SMAP1: variants seen among roughly 807,000 people sequenced by gnomAD.
SMAP1 encodes small ArfGAP 1, also known as stromal membrane-associated protein 1.
SMAP1 carries 24 observed loss-of-function variants against 58.5 expected under a neutral mutation model. The ratio of observed to expected loss-of-function variants is 0.41; its 90% CI spans 0.30 to 0.58. The LOEUF (loss-of-function observed/expected upper bound fraction) is 0.58, where lower values mean the gene tolerates loss of function less well. Ranked by LOEUF, SMAP1 falls within the 20% of genes least tolerant of loss-of-function variation. The pLI, the probability that SMAP1 is intolerant of heterozygous loss-of-function variation, is 0.29. For missense variants in SMAP1, 563 were observed against 566.3 expected (o/e 0.99, Z 0.06); for synonymous variants, 216 against 196.6 (o/e 1.10, Z -0.82).
intron 1 of SMAP1, among the ~76,000 whole-genome samples, chr6:70,700,951 G>A (rs1256183018): frequency 6.6e-6 from 1 of 152,168 alleles, no homozygotes; most frequent in Non-Finnish European, 1.5e-5. Flanking sequence ...CCTGGAATGG[G>A]GGCCTCAGGA....
At chr6:70,802,671 A>G (rs903561866) in intron 6 of SMAP1, among the ~76,000 whole-genome samples, 1 of 152,118 alleles carries the variant, frequency 6.6e-6, no homozygotes. Context: ...TTATTTTGAG[A>G]TATGTTTCAT....
chr6:70,716,100 A>G (rs979999822), intron 1 of SMAP1, among the ~76,000 whole-genome samples: 4 of 152,236 alleles, frequency 2.6e-5, no homozygotes, highest in Admixed American at 2.0e-4. Context: ...ATTCCATCAT[A>G]CAGATACATA....
intron 3 of SMAP1, among the ~76,000 whole-genome samples, chr6:70,765,362 T>C (rs1159931841): frequency 6.6e-6 from 1 of 152,192 alleles, no homozygotes; most frequent in East Asian, 1.9e-4. Flanking sequence ...TATGGCATAT[T>C]TCTGGTCACA....
intron 7 of SMAP1, among the ~76,000 whole-genome samples, chr6:70,844,822 T>C (rs1482494810): frequency 6.6e-6 from 1 of 152,170 alleles, no homozygotes; most frequent in Non-Finnish European, 1.5e-5. Context: ...TAATAAAAAT[T>C]AAGGAGAAAA....
In SMAP1 at chr6:70,743,920, A is replaced by G. The variant is rs550726117; in HGVS notation, c.253-11060A>G. Among the ~76,000 whole-genome samples the G allele has an allele frequency of 7.3e-5, 11 of 150,554 alleles. No homozygotes were observed. In the South Asian group the frequency reaches 1.5e-3, roughly 20 times the overall value. ...TAATAAGAGATTTGCATTTTAAGCA[A>G]TCCATTTGGAAAAAAGTATATAAAT... On this transcript the variant is annotated intron_variant, in intron 2 of 10. Coordinates refer to ENST00000370455, the MANE Select transcript of SMAP1 (RefSeq NM_001044305.3).
intron 7 of SMAP1, among the ~76,000 whole-genome samples, chr6:70,844,477 T>G (rs1248776432): frequency 6.6e-6 from 1 of 152,146 alleles, no homozygotes; most frequent in Admixed American, 6.5e-5. Context: ...TGTAGTAGAT[T>G]TCCCTGCTGG....
At chr6:70,751,601 A>G (rs1218743639) in intron 2 of SMAP1, among the ~76,000 whole-genome samples, 3 of 152,060 alleles carry the variant, frequency 2.0e-5, no homozygotes, top group Non-Finnish European at 4.4e-5. Flanking sequence ...AAATACTGAC[A>G]GGGAATGATG....
chr6:70,837,475 T>C (rs1770638268), intron 7 of SMAP1, among the ~76,000 whole-genome samples: 1 of 152,160 alleles, frequency 6.6e-6, no homozygotes, highest in Non-Finnish European at 1.5e-5. Context: ...AGCAACACAT[T>C]TTGCATCCAG....
At chr6:70,837,804 A>C in intron 7 of SMAP1, 1 of 1,253,048 alleles carries the variant, frequency 8.0e-7, no homozygotes, top group Non-Finnish European at 1.0e-6. Flanking sequence ...TGAGAAGGAA[A>C]AGAGTGAAAG....
At chr6:70,787,040 C>T (rs1228262458) in intron 4 of SMAP1, among the ~76,000 whole-genome samples, 1 of 152,200 alleles carries the variant, frequency 6.6e-6, no homozygotes, top group Non-Finnish European at 1.5e-5. Flanking sequence ...CGCTACCTGA[C>T]TTCAAACTAT....
chr6:70,791,637 C>T, intron 4 of SMAP1, 52 bp from the exon 5 acceptor site: 1 of 1,480,532 alleles, frequency 6.8e-7, no homozygotes, highest in Non-Finnish European at 9.3e-7. Flanking sequence ...TGTCAATTCT[C>T]ATTACCTTCT....
intron 1 of SMAP1, among the ~76,000 whole-genome samples, chr6:70,692,845 G>A (rs753755699): frequency 6.6e-6 from 1 of 152,016 alleles, no homozygotes; most frequent in Non-Finnish European, 1.5e-5. Context: ...GTGCAGTGGC[G>A]TGATCTTGGC....
chr6:70,761,672 G>T (rs1766751843), intron 3 of SMAP1, among the ~76,000 whole-genome samples: 1 of 151,846 alleles, frequency 6.6e-6, no homozygotes, highest in African/African-American at 2.4e-5. Context: ...GAATACCTTT[G>T]TTAATAATAA....
intron 1 of SMAP1, among the ~76,000 whole-genome samples, chr6:70,707,864 C>T (rs1767899543): frequency 6.6e-6 from 1 of 152,106 alleles, no homozygotes; most frequent in African/African-American, 2.4e-5. Context: ...TTAAGCTGTA[C>T]AGCATGACAT....
At chr6:70,859,258 T>C in intron 10 of SMAP1, 1 of 1,110,822 alleles carries the variant, frequency 9.0e-7, no homozygotes, top group Non-Finnish European at 1.3e-6. Context: ...GTCAACATGC[T>C]GAAGCACACC....
chr6:70,707,692 A>T (rs1201592973), intron 1 of SMAP1, among the ~76,000 whole-genome samples: 1 of 151,842 alleles, frequency 6.6e-6, no homozygotes, highest in Admixed American at 6.6e-5. Context: ...TGCAACCTCC[A>T]CCTCCTGTGT....
intron 4 of SMAP1, among the ~76,000 whole-genome samples, chr6:70,790,164 G>A (rs960712616): frequency 2.0e-5 from 3 of 151,680 alleles, no homozygotes; most frequent in East Asian, 3.9e-4. Flanking sequence ...TTTTTGAGAC[G>A]GAGTCTCGCT....
intron 1 of SMAP1, among the ~76,000 whole-genome samples, chr6:70,704,984 C>T (rs902414544): frequency 6.6e-6 from 1 of 152,124 alleles, no homozygotes; most frequent in Non-Finnish European, 1.5e-5. Flanking sequence ...GTCTTGCTTT[C>T]TTGGGATTTG....
chr6:70,831,634 A>G (rs1057142585), intron 6 of SMAP1, among the ~76,000 whole-genome samples: 2 of 152,096 alleles, frequency 1.3e-5, no homozygotes, highest in Non-Finnish European at 2.9e-5. Context: ...TTCCTTGTGT[A>G]TATGTACCAC....
Sources: gnomAD v4.1 joint callset for allele counts (sites outside exome capture counted in the v4.1 genomes callset) on GRCh38, gnomAD v4.1.1 for gene constraint, MANE v1.5 for transcripts, NCBI Gene and HGNC (gene_info 2026-07-23, HGNC 2026-07-21) for gene names.